The following CHMP6 variants were observed in gnomAD, a reference collection of about 807,000 sequenced individuals.
The protein encoded by CHMP6 is charged multivesicular body protein 6.
Under a neutral mutation model 32.8 loss-of-function variants are expected in CHMP6, and 10 were observed. The observed-to-expected ratio is 0.30, with a 90% CI of 0.19 to 0.52. The LOEUF is 0.52. Ranked by LOEUF, CHMP6 falls within the 20% of genes least tolerant of loss-of-function variation. CHMP6 has a pLI of 0.97. For synonymous variants in CHMP6, 123 were observed against 105.8 expected (o/e 1.16, Z -1.00); for missense variants, 269 against 263.8 (o/e 1.02, Z -0.14).
Position 80,997,092 on chromosome 17 carries a change from G to T in CHMP6, c.414+20G>T. 1 of 1,612,294 alleles carries T rather than the reference G, an allele frequency of 6.2e-7. No homozygotes were observed. The highest frequency in any genetic ancestry group is 8.5e-7 in the Non-Finnish European group (1 of 1,179,310). On this transcript the variant is annotated intron_variant, in intron 5 of 7. Coordinates refer to ENST00000325167, the MANE Select transcript of CHMP6 (RefSeq NM_024591.5). ...CAGCGGGTAGGTGGCACCCTGACCG[G>T]CCTGCCCCCAACTGTGAGAACCCAC...
At chr17:80,997,573 G>C (rs952954357) in intron 6 of CHMP6, among the ~76,000 whole-genome samples, 8 of 152,108 alleles carry the variant, frequency 5.3e-5, no homozygotes, top group Admixed American at 3.9e-4. Context: ...GGGGTGCTGG[G>C]CCTTCCTGGC....
chr17:80,995,961 C>T (rs2069634303), intron 4 of CHMP6, among the ~76,000 whole-genome samples: 1 of 151,936 alleles, frequency 6.6e-6, no homozygotes, highest in African/African-American at 2.4e-5. Context: ...GAACTGGGTC[C>T]CCAGGCGCCG....
intron 3 of CHMP6, among the ~76,000 whole-genome samples, chr17:80,995,427 G>C (rs886627556): frequency 3.9e-5 from 6 of 152,134 alleles, no homozygotes; most frequent in Admixed American, 1.3e-4. Context: ...GCGTGGTTCT[G>C]CTCTTTGGTA....
chr17:80,993,811 A>G (rs1055763837), intron 1 of CHMP6, among the ~76,000 whole-genome samples: 64 of 152,034 alleles, frequency 4.2e-4, no homozygotes, highest in African/African-American at 1.3e-3. Context: ...CAGGCATCTC[A>G]TGCGGCTGAA....
In CHMP6 at chr17:80,998,427, C is replaced by T. The variant is rs201751751; in HGVS notation, c.550+7C>T. ...CTTCCTGAGAAGATCCCAGGTATTT[C>T]CATGTTTGATTCTTTTGAATGGTTG... On this transcript the variant is annotated splice_region_variant and intron_variant, in intron 7 of 7. Coordinates refer to ENST00000325167, the MANE Select transcript of CHMP6 (RefSeq NM_024591.5). 1.3e-4 allele frequency: 203 copies of T among 1,614,074 alleles called. No individual in the cohort carries two copies. The highest frequency in any genetic ancestry group is 1.6e-4 in the Non-Finnish European group (188 of 1,180,020).
chr17:80,994,670 G>T lies in CHMP6; in HGVS notation c.153G>T (p.Leu51=). 1 of 1,576,768 alleles carries T rather than the reference G, an allele frequency of 6.3e-7. No individual in the cohort carries two copies. Among genetic ancestry groups the T allele is most frequent in the Non-Finnish European group, 8.6e-7 (1 of 1,163,238 alleles). ...GCGAGCGCGCCCTGGCCCGGCAGCT[G>T]CTGCGGGACGGCAGGAAGGAGTGAG... ...LERERALARQ[L]LRDGRKERAK... Residue 51 remains leucine (L), a synonymous_variant, in exon 2 of 8, where the codon CTG becomes CTT. Coordinates refer to ENST00000325167, the MANE Select transcript of CHMP6 (RefSeq NM_024591.5).
intron 3 of CHMP6, among the ~76,000 whole-genome samples, chr17:80,995,307 G>A (rs2069627779): frequency 6.6e-6 from 1 of 152,194 alleles, no homozygotes; most frequent in Admixed American, 6.5e-5. Context: ...TGGGGGGCAG[G>A]TTGGCTCTCG....
intron 6 of CHMP6, among the ~76,000 whole-genome samples, chr17:80,997,777 C>T (rs1034099338): frequency 1.8e-4 from 28 of 152,180 alleles, no homozygotes; most frequent in South Asian, 6.2e-4. Context: ...TGCCTCAGTC[C>T]GCCAAATTCT....
Position 80,997,419 on chromosome 17 carries a change from C to G in CHMP6, c.495+78C>G, listed in dbSNP as rs943821477. ...AGCTCAGACCCCCAGGAGGCCCTGC[C>G]CATGGTGATCTCGTATGTGGTGTCC... is the stretch of plus-strand genomic sequence containing the variant. On this transcript the variant is annotated intron_variant, in intron 6 of 7. Coordinates refer to ENST00000325167, the MANE Select transcript of CHMP6 (RefSeq NM_024591.5). The G allele has an allele frequency of 1.0e-4, 64 of 631,582 alleles. 1 individual carries two copies. The Middle Eastern group carries it at 2.0e-3, about 20-fold the overall frequency. The allele number at this position is 631,582 out of a possible 1,614,324, so 39.1% of individuals were successfully genotyped here. A position where few individuals can be genotyped will look rare whatever the true frequency, so the allele number is the denominator to read the frequency against.
chr17:80,992,694 C>G (rs985860986), intron 1 of CHMP6, among the ~76,000 whole-genome samples: 18 of 152,194 alleles, frequency 1.2e-4, no homozygotes, highest in Non-Finnish European at 2.4e-4. Flanking sequence ...GGTGGTGGTG[C>G]CTTTTCCCAT....
intron 1 of CHMP6, among the ~76,000 whole-genome samples, chr17:80,993,840 G>A (rs533667221): frequency 7.9e-5 from 12 of 152,284 alleles, no homozygotes; most frequent in African/African-American, 2.6e-4. Context: ...AGAGAAGCCG[G>A]GGGGATGTCT....
Position 80,995,769 on chromosome 17 carries a change from G to C in CHMP6, c.348+11G>C, listed in dbSNP as rs371933133. ...AACAAGATGCACCAGGTGAGTCTCT[G>C]CAGGGCCAGGGGCATGGAGGTGTGG... is the stretch of plus-strand genomic sequence containing the variant. On this transcript the variant is annotated intron_variant, in intron 4 of 7. Coordinates refer to ENST00000325167, the MANE Select transcript of CHMP6 (RefSeq NM_024591.5). 3.7e-6 allele frequency: 6 copies of C among 1,613,122 alleles called. No individual in the cohort carries two copies. The African/African-American group carries it at 8.0e-5, about 22-fold the overall frequency.
At chr17:80,994,933 G>A (rs1298791908) in intron 2 of CHMP6, 86 bp from the exon 3 acceptor site, 5 of 731,914 alleles carry the variant, frequency 6.8e-6, no homozygotes, top group Admixed American at 3.0e-5. Context: ...TGGGGTGGGG[G>A]GCCCGGGCAG....
chr17:80,998,354 T>G lies in CHMP6; in HGVS notation c.496-12T>G, dbSNP rs746238929. 6.2e-7 allele frequency: 1 copy of G among 1,614,182 alleles called. No homozygotes were observed. The highest frequency in any genetic ancestry group is 1.1e-5 in the South Asian group (1 of 91,090). ...GTCACCTGCTCATAGCCTTACCCTT[T>G]GCTTCTTGCAGGAACAAATAGAGCT... On this transcript the variant is annotated splice_polypyrimidine_tract_variant and intron_variant, in intron 6 of 7. Transcript: ENST00000325167.
At chr17:80,998,755 C>T (rs2069660987) in intron 7 of CHMP6, 2 of 1,175,884 alleles carry the variant, frequency 1.7e-6, no homozygotes, top group African/African-American at 1.6e-5. Context: ...CTCCCCGTGG[C>T]ACCATTCAGC....
chr17:80,993,002 G>T lies in CHMP6; in HGVS notation c.63+1021G>T, dbSNP rs542350981. 4.6e-5 allele frequency among the ~76,000 whole-genome samples: 7 copies of T among 152,322 alleles called. No homozygotes were observed. The South Asian group carries it at 1.0e-3, about 23-fold the overall frequency. On this transcript the variant is annotated intron_variant, in intron 1 of 7. Transcript: ENST00000325167. ...TGTCCCTAGAGAAGATGGGCACAGC[G>T]CTGGGCACCGTCCCGAGCTGCCTGC...
In CHMP6 at chr17:80,995,767, C is replaced by G; in HGVS notation, c.348+9C>G. The G allele has an allele frequency of 6.2e-7, 1 of 1,613,368 alleles. No homozygotes were observed. The highest frequency in any genetic ancestry group is 8.5e-7 in the Non-Finnish European group (1 of 1,179,422). On this transcript the variant is annotated intron_variant, in intron 4 of 7. Coordinates refer to ENST00000325167, the MANE Select transcript of CHMP6 (RefSeq NM_024591.5). ...TGAACAAGATGCACCAGGTGAGTCT[C>G]TGCAGGGCCAGGGGCATGGAGGTGT...
intron 4 of CHMP6, among the ~76,000 whole-genome samples, chr17:80,995,998 G>A (rs1598439471): frequency 6.6e-6 from 1 of 152,148 alleles, no homozygotes; most frequent in Admixed American, 6.5e-5. Flanking sequence ...AAGTCTGAGG[G>A]TGGGGAGGGG....
In CHMP6 at chr17:80,995,015, G is replaced by T. The variant is rs374811970; in HGVS notation, c.174-4G>T. The T allele has an allele frequency of 1.3e-5, 21 of 1,590,304 alleles. No individual in the cohort carries two copies. The African/African-American group carries it at 2.5e-4, about 19-fold the overall frequency. Reference sequence around the variant, plus strand: ...GCGGGTCACTCTCGGGCTTCCCTCTGCAGACGGGCCAAGCTGCTGCTCAAG... The same window carrying T: ...GCGGGTCACTCTCGGGCTTCCCTCTTCAGACGGGCCAAGCTGCTGCTCAAG... On this transcript the variant is annotated splice_region_variant and splice_polypyrimidine_tract_variant and intron_variant, in intron 2 of 7. Transcript: ENST00000325167.
Sources: gnomAD v4.1 joint callset for allele counts (sites outside exome capture counted in the v4.1 genomes callset) on GRCh38, gnomAD v4.1.1 for gene constraint, MANE v1.5 for transcripts, NCBI Gene and HGNC (gene_info 2026-07-23, HGNC 2026-07-21) for gene names.